The following GRAMD1C variants were observed in gnomAD, a reference collection of about 807,000 sequenced individuals.
GRAMD1C encodes GRAM domain containing 1C, also known as protein Aster-C.
In GRAMD1C, 89 loss-of-function variants were observed where a neutral mutation model predicts 97.8. The ratio of observed to expected loss-of-function variants is 0.91; its 90% CI spans 0.77 to 1.09. GRAMD1C has a LOEUF of 1.09. Ranked by LOEUF, GRAMD1C falls within the 50% of genes least tolerant of loss-of-function variation. The probability of loss-of-function intolerance (pLI) is 0.00; values close to 1 mark genes in which losing one functional copy is unlikely to be tolerated. For synonymous variants in GRAMD1C, 256 were observed against 267.0 expected, an observed-to-expected ratio of 0.96 and a Z score of 0.40; for missense variants, 740 against 766.4, an observed-to-expected ratio of 0.97 and a Z score of 0.41.
chr3:113,876,000 T>C, intron 4 of GRAMD1C, 165 bp from the exon 5 acceptor site: 1 of 518,816 alleles, frequency 1.9e-6, no homozygotes, highest in Non-Finnish European at 3.4e-6. Context: ...ACCCTGTTTT[T>C]CTCAGAGAAT....
intron 2 of GRAMD1C, among the ~76,000 whole-genome samples, chr3:113,859,293 G>A (rs1004443576): frequency 2.0e-5 from 3 of 152,006 alleles, no homozygotes; most frequent in Admixed American, 6.6e-5. Flanking sequence ...CATCAGTTCC[G>A]TGTGTTATTT....
At position 113,845,686 on chromosome 3, in the gene GRAMD1C, CAGAG is replaced by C. The variant is rs566151662; in HGVS notation, c.174+1043_174+1046del. Among the ~76,000 whole-genome samples the C allele has an allele frequency of 2.4e-3, 365 of 152,182 alleles. 2 individuals are homozygous for C. The highest frequency in any genetic ancestry group is 0.014 in the Middle Eastern group (4 of 294). On this transcript the variant is annotated intron_variant, in intron 2 of 17. Coordinates refer to ENST00000358160, the MANE Select transcript of GRAMD1C (RefSeq NM_017577.5). The stretch of plus-strand genomic sequence containing the variant: ...TGCCACTGCCCTCCAGCCTGGGTAA[CAGAG>C]AGAGACCCTGTCTCAAAAAAATAAA...
At chr3:113,844,847 A>G (rs1559774926) in intron 2 of GRAMD1C, 198 bp downstream of exon 2, 1 of 456,510 alleles carries the variant, frequency 2.2e-6, no homozygotes. Flanking sequence ...TGGTTCGATG[A>G]AATGGAATTA....
intron 6 of GRAMD1C, chr3:113,885,317 T>C (rs13087406): frequency 0.2 from 307,087 of 1,569,180 alleles, 31,766 homozygotes; most frequent in Admixed American, 0.21. Context: ...ACGCAGTGTC[T>C]GCTGGGACTG....
intron 5 of GRAMD1C, among the ~76,000 whole-genome samples, chr3:113,879,952 C>T (rs1022755518): frequency 6.6e-6 from 1 of 152,048 alleles, no homozygotes. Context: ...CCTTGGCCGC[C>T]CAAAGTGTCG....
In GRAMD1C at chr3:113,838,866, TGCGGTGCGCGCGGG is replaced by T. The variant is rs779500836; in HGVS notation, c.-36_-23del. On this transcript the variant is annotated 5_prime_UTR_variant, in exon 1 of 18. Transcript: ENST00000358160. ...TGGAGGTGGGCGCGGGGCGGTGCGG[TGCGGTGCGCGCGGG>T]GCGGTGCCGCGGCGGCGGAGGGAGC... 2 of 1,221,612 alleles carry T rather than the reference TGCGGTGCGCGCGGG, an allele frequency of 1.6e-6. No homozygotes were observed. Among genetic ancestry groups the T allele is most frequent in the East Asian group, 3.2e-5 (1 of 31,210 alleles). 75.7% of individuals were successfully genotyped at this position (1,221,612 alleles called of 1,614,324 possible). A position where few individuals can be genotyped will look rare whatever the true frequency, so the allele number is the denominator to read the frequency against.
intron 6 of GRAMD1C, among the ~76,000 whole-genome samples, chr3:113,893,703 G>C (rs1445306582): frequency 6.6e-6 from 1 of 152,162 alleles, no homozygotes; most frequent in African/African-American, 2.4e-5. Context: ...AACTGTCTGG[G>C]TTTAGGCCTT....
At chr3:113,892,634 A>G (rs1935780164) in intron 6 of GRAMD1C, among the ~76,000 whole-genome samples, 1 of 152,198 alleles carries the variant, frequency 6.6e-6, no homozygotes, top group Non-Finnish European at 1.5e-5. Flanking sequence ...GACATAATTT[A>G]TAGCGCTTCA....
intron 6 of GRAMD1C, among the ~76,000 whole-genome samples, chr3:113,884,763 C>T (rs1280200130): frequency 6.6e-5 from 10 of 151,578 alleles, no homozygotes; most frequent in Admixed American, 2.6e-4. Context: ...GGCGTGAACC[C>T]GGGAGGCGGA....
intron 6 of GRAMD1C, among the ~76,000 whole-genome samples, chr3:113,887,273 G>A (rs1935542982): frequency 6.6e-6 from 1 of 151,184 alleles, no homozygotes; most frequent in Non-Finnish European, 1.5e-5. Flanking sequence ...GGTATTTTTA[G>A]TAGAGGTGGG....
At chr3:113,834,211 A>T (rs1251795581), upstream of GRAMD1C, among the ~76,000 whole-genome samples, 1 of 152,078 alleles carries the variant, frequency 6.6e-6, no homozygotes, top group African/African-American at 2.4e-5. Context: ...ACAGAGTCTC[A>T]CCCTGTCACC....
At chr3:113,843,144 G>A (rs1001243241) in intron 1 of GRAMD1C, among the ~76,000 whole-genome samples, 1 of 138,266 alleles carries the variant, frequency 7.2e-6, no homozygotes, top group Non-Finnish European at 1.5e-5. Context: ...GCTTGATCAT[G>A]GCTTACTACA....
intron 5 of GRAMD1C, among the ~76,000 whole-genome samples, chr3:113,880,048 C>T (rs530468725): frequency 1.3e-5 from 2 of 152,180 alleles, no homozygotes; most frequent in African/African-American, 2.4e-5. Context: ...CTTTTTTAGC[C>T]TCTCTTGCCT....
chr3:113,921,170 T>C (rs1937035514), intron 10 of GRAMD1C, among the ~76,000 whole-genome samples: 1 of 152,232 alleles, frequency 6.6e-6, no homozygotes, highest in African/African-American at 2.4e-5. Flanking sequence ...TATTTAGTTT[T>C]CTGTTCCTGC....
At chr3:113,842,031 G>A (rs1008202738) in intron 1 of GRAMD1C, among the ~76,000 whole-genome samples, 2 of 152,132 alleles carry the variant, frequency 1.3e-5, no homozygotes, top group African/African-American at 2.4e-5. Context: ...CAATTTGTAA[G>A]CTCTAAAGAC....
chr3:113,911,939 G>T (rs1165077703), intron 9 of GRAMD1C, among the ~76,000 whole-genome samples: 1 of 152,044 alleles, frequency 6.6e-6, no homozygotes, highest in Non-Finnish European at 1.5e-5. Flanking sequence ...ATGTTAGCCA[G>T]GATGGTCTTG....
chr3:113,945,432 T>C lies in GRAMD1C; in HGVS notation c.1943T>C (p.Phe648Ser), dbSNP rs1443453995. Residue 648 changes from phenylalanine (F) to serine (S), a missense_variant, in exon 18 of 18, where the codon TTT becomes TCT. Physicochemically the swap from Phe to Ser is radical, Grantham distance 155. Transcript: ENST00000358160. ...KSSLIMLQKT[F>S]DLLNKNKTGM... ...TCACTCATTATGCTTCAGAAAACGTTTGATCTACTAAATAAGAATAAGACT... is the reference window on the plus strand; with the variant it reads ...TCACTCATTATGCTTCAGAAAACGTCTGATCTACTAAATAAGAATAAGACT... 6.2e-7 allele frequency: 1 copy of C among 1,602,044 alleles called. No homozygotes were observed. Among genetic ancestry groups the C allele is most frequent in the Admixed American group, 1.7e-5 (1 of 59,858 alleles).
chr3:113,836,632 ATTATTATTATTAT>A (rs558317509), upstream of GRAMD1C, among the ~76,000 whole-genome samples: 723 of 151,408 alleles, frequency 4.8e-3, 6 homozygotes, highest in African/African-American at 0.017. Context: ...ACAAGTTATT[ATTATTATTATTAT>A]TTATTATTAT....
intron 2 of GRAMD1C, 182 bp downstream of exon 2, chr3:113,844,831 GTTGTCTGGTTCGATGAAATGGAA>G (rs1261569120): frequency 2.0e-6 from 1 of 493,282 alleles, no homozygotes; most frequent in Non-Finnish European, 3.5e-6. Context: ...AGAATGCACT[GTTGTCTGGTTCGATGAAATGGAA>G]TTAATCTGCT....
Sources: allele counts gnomAD v4.1 joint callset (sites outside exome capture counted in the v4.1 genomes callset), GRCh38; gene constraint gnomAD v4.1.1; transcripts MANE v1.5; gene names NCBI Gene and HGNC (gene_info 2026-07-23, HGNC 2026-07-21).